The following VGLL4 variants were observed in gnomAD, a reference collection of about 807,000 sequenced individuals.
VGLL4 encodes transcription cofactor vestigial-like protein 4.
A neutral mutation model predicts 21.0 loss-of-function variants in VGLL4; 7 were observed. That is an observed-to-expected ratio of 0.33 (90% CI 0.19 to 0.63). VGLL4 has a LOEUF of 0.63. Ranked by LOEUF, VGLL4 falls within the 20% of genes least tolerant of loss-of-function variation. The pLI is 0.78. For missense variants in VGLL4, 394 were observed against 425.7 expected (o/e 0.93, Z 0.66); for synonymous variants, 222 against 173.2 (o/e 1.28, Z -2.21).
intron 2 of VGLL4, among the ~76,000 whole-genome samples, chr3:11,686,310 A>G (rs2076447784): frequency 6.6e-6 from 1 of 152,212 alleles, no homozygotes; most frequent in Admixed American, 6.5e-5. Flanking sequence ...TATACATACA[A>G]TGGAATATTA....
rs1433192841 is a variant in VGLL4 at position 11,683,384 on chromosome 3, A to T, written c.64+19587T>A. ...TGGAAAGCAGTATAGAGATTTCTCA[A>T]AGAACTAAAAGTAGATCTGCCATTC... On this transcript the variant is annotated intron_variant, in intron 2 of 5. Transcript: ENST00000273038. Among the ~76,000 whole-genome samples the T allele has an allele frequency of 2.0e-5, 3 of 152,330 alleles. No individual in the cohort carries two copies. The East Asian group carries it at 5.8e-4, about 29-fold the overall frequency.
chr3:11,637,941 T>A (rs1028913117), intron 1 of VGLL4, among the ~76,000 whole-genome samples: 1 of 152,176 alleles, frequency 6.6e-6, no homozygotes, highest in Non-Finnish European at 1.5e-5. Flanking sequence ...TGTGCAATAA[T>A]AAATACCACT....
intron 2 of VGLL4, among the ~76,000 whole-genome samples, chr3:11,566,016 G>A (rs1391058043): frequency 2.0e-5 from 3 of 152,206 alleles, no homozygotes; most frequent in Non-Finnish European, 2.9e-5. Context: ...TATGATTTGA[G>A]TGAATTTTAA....
At chr3:11,575,816 G>C (rs569940266) in intron 2 of VGLL4, among the ~76,000 whole-genome samples, 1 of 152,342 alleles carries the variant, frequency 6.6e-6, no homozygotes, top group African/African-American at 2.4e-5. Flanking sequence ...GCCAACCCCT[G>C]CAACTTTCCC....
chr3:11,703,166 A>G (rs1194062287), intron 1 of VGLL4: 41 of 852,032 alleles, frequency 4.8e-5, no homozygotes, highest in Non-Finnish European at 6.1e-5. Context: ...TCTAAGGATG[A>G]AATTCTTCCC....
intron 2 of VGLL4, among the ~76,000 whole-genome samples, chr3:11,567,353 G>A (rs534800665): frequency 2.6e-5 from 4 of 152,220 alleles, no homozygotes; most frequent in African/African-American, 7.2e-5. Context: ...GTGATTAGCT[G>A]TACAGGACCC....
intron 3 of VGLL4, among the ~76,000 whole-genome samples, chr3:11,564,310 A>C (rs2125128308): frequency 6.6e-6 from 1 of 152,202 alleles, no homozygotes; most frequent in South Asian, 2.1e-4. Flanking sequence ...TGGGCTCACA[A>C]CCCTGTGACC....
chr3:11,606,212 G>A (rs1285079059), intron 1 of VGLL4, among the ~76,000 whole-genome samples: 1 of 152,134 alleles, frequency 6.6e-6, no homozygotes, highest in Non-Finnish European at 1.5e-5. Flanking sequence ...TACAGTATGG[G>A]GGGAAACCGC....
At chr3:11,595,848 G>T (rs1378480099) in intron 2 of VGLL4, among the ~76,000 whole-genome samples, 61 of 2,500 alleles carry the variant, frequency 0.024, no homozygotes, top group African/African-American at 0.075. Flanking sequence ...GTGTGGGGGG[G>T]GCGGGGAATA....
chr3:11,682,057 G>A (rs577001411), intron 2 of VGLL4, among the ~76,000 whole-genome samples: 1 of 152,152 alleles, frequency 6.6e-6, no homozygotes, highest in African/African-American at 2.4e-5. Context: ...TCAGGAGTTC[G>A]AGACCAGTCT....
intron 2 of VGLL4, among the ~76,000 whole-genome samples, chr3:11,669,930 A>G (rs2076179371): frequency 6.6e-6 from 1 of 152,188 alleles, no homozygotes; most frequent in Admixed American, 6.5e-5. Context: ...TGCTAAGATT[A>G]CAGGCTTGAG....
chr3:11,622,297 C>T (rs2075277886), intron 1 of VGLL4, among the ~76,000 whole-genome samples: 1 of 152,124 alleles, frequency 6.6e-6, no homozygotes, highest in Non-Finnish European at 1.5e-5. Context: ...GCTAGATACC[C>T]ACCACCGATA....
chr3:11,646,278 AT>A (rs1246266254), upstream of VGLL4, among the ~76,000 whole-genome samples: 3 of 152,236 alleles, frequency 2.0e-5, no homozygotes, highest in East Asian at 5.8e-4. Flanking sequence ...AAAACAAACA[AT>A]ATCAGGTATC....
At chr3:11,593,490 T>TGAATTC (rs1194932159) in intron 2 of VGLL4, among the ~76,000 whole-genome samples, 23 of 152,226 alleles carry the variant, frequency 1.5e-4, no homozygotes, top group Non-Finnish European at 2.8e-4. Context: ...TTAAGCTGAA[T>TGAATTC]GAATTCGTGG....
At chr3:11,646,331 G>T (rs905522737), upstream of VGLL4, among the ~76,000 whole-genome samples, 2 of 152,152 alleles carry the variant, frequency 1.3e-5, no homozygotes, top group African/African-American at 4.8e-5. Context: ...CTCTTACTGT[G>T]CTACGTTTTT....
intron 2 of VGLL4, among the ~76,000 whole-genome samples, chr3:11,655,701 C>T (rs922576368): frequency 2.0e-5 from 3 of 152,158 alleles, no homozygotes; most frequent in Admixed American, 6.5e-5. Context: ...CAGCATTTGC[C>T]GGAGGAAACA....
At chr3:11,570,668 A>T (rs2073739080) in intron 2 of VGLL4, among the ~76,000 whole-genome samples, 1 of 152,238 alleles carries the variant, frequency 6.6e-6, no homozygotes, top group African/African-American at 2.4e-5. Flanking sequence ...AGAGAAAATG[A>T]CTGGTGGCAA....
At chr3:11,570,477 C>G (rs768390135) in intron 2 of VGLL4, among the ~76,000 whole-genome samples, 10 of 152,230 alleles carry the variant, frequency 6.6e-5, no homozygotes, top group Admixed American at 5.2e-4. Flanking sequence ...GGACCGTGCA[C>G]TCCCGGGAAG....
At chr3:11,574,077 C>T (rs2073955996) in intron 2 of VGLL4, among the ~76,000 whole-genome samples, 1 of 152,186 alleles carries the variant, frequency 6.6e-6, no homozygotes, top group African/African-American at 2.4e-5. Context: ...CCCTCAGAAG[C>T]AGCCAGCCCT....
Sources: allele counts gnomAD v4.1 joint callset (sites outside exome capture counted in the v4.1 genomes callset), GRCh38; gene constraint gnomAD v4.1.1; transcripts MANE v1.5; gene names NCBI Gene and HGNC (gene_info 2026-07-23, HGNC 2026-07-21).